VTI1A: variants seen among roughly 807,000 people sequenced by gnomAD.
VTI1A encodes vesicle transport through interaction with t-SNAREs homolog 1A.
VTI1A carries 22 observed loss-of-function variants against 34.9 expected under a neutral mutation model. That is an observed-to-expected ratio of 0.63 (90% CI 0.45 to 0.90). The LOEUF is 0.90. Among genes scored for constraint, VTI1A ranks in the 40% least tolerant of loss-of-function variants. The pLI is 0.00. For synonymous variants in VTI1A, 87 were observed against 97.3 expected, an observed-to-expected ratio of 0.89 and a Z score of 0.62; for missense variants, 268 against 275.6, an observed-to-expected ratio of 0.97 and a Z score of 0.20.
chr10:112,605,667 A>G (rs1845050719), intron 5 of VTI1A, among the ~76,000 whole-genome samples: 1 of 152,144 alleles, frequency 6.6e-6, no homozygotes, highest in African/African-American at 2.4e-5. Flanking sequence ...AACTAAGGCC[A>G]CTATCTACCT....
At chr10:112,589,687 C>T (rs755552748) in intron 5 of VTI1A, among the ~76,000 whole-genome samples, 9 of 152,154 alleles carry the variant, frequency 5.9e-5, no homozygotes, top group African/African-American at 1.7e-4. Context: ...CTCTGCAACC[C>T]TCTGGGGTAG....
At chr10:112,478,142 A>G (rs1848339558) in intron 3 of VTI1A, among the ~76,000 whole-genome samples, 1 of 152,196 alleles carries the variant, frequency 6.6e-6, no homozygotes, top group South Asian at 2.1e-4. Context: ...ATATTATTAG[A>G]TTGCTAGAAG....
At chr10:112,478,551 A>G (rs985629509) in intron 3 of VTI1A, among the ~76,000 whole-genome samples, 1 of 152,222 alleles carries the variant, frequency 6.6e-6, no homozygotes, top group Admixed American at 6.5e-5. Context: ...GGGAGCGTAC[A>G]CAAAGGATTA....
chr10:112,737,591 C>T, intron 7 of VTI1A: 2 of 1,048,386 alleles, frequency 1.9e-6, no homozygotes, highest in Non-Finnish European at 2.3e-6. Flanking sequence ...CATGTAAGGT[C>T]TTAGTCCAGC....
At chr10:112,631,088 C>T (rs1846113893) in intron 5 of VTI1A, among the ~76,000 whole-genome samples, 1 of 151,786 alleles carries the variant, frequency 6.6e-6, no homozygotes, top group Non-Finnish European at 1.5e-5. Context: ...GAGATCGCGC[C>T]ATTGCACTCC....
chr10:112,731,522 C>T (rs1850258457), intron 7 of VTI1A, among the ~76,000 whole-genome samples: 1 of 151,454 alleles, frequency 6.6e-6, no homozygotes, highest in African/African-American at 2.4e-5. Flanking sequence ...TTGCAGTGAG[C>T]CGAGATCGTG....
intron 7 of VTI1A, among the ~76,000 whole-genome samples, chr10:112,738,843 C>T (rs1850590193): frequency 3.3e-5 from 5 of 151,978 alleles, no homozygotes; most frequent in Admixed American, 2.6e-4. Flanking sequence ...GAGGAGAAAG[C>T]CCTCATGGAA....
chr10:112,605,123 C>G (rs745812272), intron 5 of VTI1A, among the ~76,000 whole-genome samples: 5 of 152,150 alleles, frequency 3.3e-5, no homozygotes, highest in Non-Finnish European at 7.3e-5. Context: ...GACTTTCCAT[C>G]CTGATCTTCC....
chr10:112,558,875 GA>G (rs1851624268), intron 5 of VTI1A, among the ~76,000 whole-genome samples: 1 of 152,234 alleles, frequency 6.6e-6, no homozygotes, highest in Non-Finnish European at 1.5e-5. Context: ...CTGTATTAAA[GA>G]GTACATCAAT....
chr10:112,802,189 GAGC>G (rs982773148), intron 7 of VTI1A, among the ~76,000 whole-genome samples: 1 of 152,202 alleles, frequency 6.6e-6, no homozygotes, highest in African/African-American at 2.4e-5. Context: ...AGGCTGTGGT[GAGC>G]AGTGCCATGG....
intron 7 of VTI1A, among the ~76,000 whole-genome samples, chr10:112,799,956 T>TAGAG (rs34501795): frequency 3.4e-5 from 5 of 147,128 alleles, no homozygotes; most frequent in South Asian, 2.2e-4. Context: ...GTTCTGATGT[T>TAGAG]AGAGAGAGAG....
intron 5 of VTI1A, among the ~76,000 whole-genome samples, chr10:112,620,842 G>A (rs191226640): frequency 6.6e-6 from 1 of 151,906 alleles, no homozygotes; most frequent in East Asian, 1.9e-4. Context: ...CCATGGCCAA[G>A]AGATAGGAGA....
chr10:112,646,139 A>G (rs1301849538), intron 5 of VTI1A, among the ~76,000 whole-genome samples: 4 of 152,096 alleles, frequency 2.6e-5, no homozygotes, highest in Non-Finnish European at 5.9e-5. Flanking sequence ...TAGAAATACA[A>G]CCTATCTTGT....
chr10:112,717,357 G>C (rs1402965084), intron 7 of VTI1A, among the ~76,000 whole-genome samples: 3 of 152,166 alleles, frequency 2.0e-5, no homozygotes, highest in Non-Finnish European at 4.4e-5. Flanking sequence ...TAGAAATGCA[G>C]TGACTTCAGC....
At chr10:112,752,873 C>T (rs78081382) in intron 7 of VTI1A, among the ~76,000 whole-genome samples, 2 of 152,116 alleles carry the variant, frequency 1.3e-5, no homozygotes, top group African/African-American at 4.8e-5. Flanking sequence ...CTTCAGCTCA[C>T]TTACATGGAC....
intron 5 of VTI1A, among the ~76,000 whole-genome samples, chr10:112,644,075 A>G (rs1564863228): frequency 6.6e-6 from 1 of 152,160 alleles, no homozygotes. Context: ...CGGCTTTGCT[A>G]TTCAGATGCA....
chr10:112,618,524 T>TATATATATATATATAGAGAGAG (rs748276058), intron 5 of VTI1A, among the ~76,000 whole-genome samples: 5 of 34,580 alleles, frequency 1.4e-4, no homozygotes, highest in African/African-American at 3.3e-4. Context: ...TATATATATA[T>TATATATATATATATAGAGAGAG]AGAGAGAGAG....
At chr10:112,595,633 A>T (rs1270948591) in intron 5 of VTI1A, among the ~76,000 whole-genome samples, 1 of 151,980 alleles carries the variant, frequency 6.6e-6, no homozygotes, top group African/African-American at 2.4e-5. Flanking sequence ...CACCAGTTAG[A>T]ATGGCAATCA....
At chr10:112,802,970 A>T (rs1351006587) in intron 7 of VTI1A, among the ~76,000 whole-genome samples, 2 of 152,204 alleles carry the variant, frequency 1.3e-5, no homozygotes, top group African/African-American at 4.8e-5. Context: ...TTAAGAAAAA[A>T]GCTACTTTCT....
Sources: gnomAD v4.1 joint callset for allele counts (sites outside exome capture counted in the v4.1 genomes callset) on GRCh38, gnomAD v4.1.1 for gene constraint, MANE v1.5 for transcripts, NCBI Gene and HGNC (gene_info 2026-07-23, HGNC 2026-07-21) for gene names.